Variants in SGCD observed in about 807,000 individuals in gnomAD.
SGCD encodes delta-sarcoglycan.
SGCD carries 18 observed loss-of-function variants against 36.6 expected under a neutral mutation model. The observed-to-expected ratio is 0.49, with a 90% confidence interval of 0.34 to 0.73. SGCD has a LOEUF of 0.73. SGCD is among the 30% of genes least tolerant of loss of function. The probability of loss-of-function intolerance (pLI) is 0.01; values close to 1 mark genes in which losing one functional copy is unlikely to be tolerated. For missense variants in SGCD, 387 were observed against 346.7 expected, an observed-to-expected ratio of 1.12 and a Z score of -0.92; for synonymous variants, 133 against 130.6, an observed-to-expected ratio of 1.02 and a Z score of -0.12.
chr5:156,088,918 G>A (rs981724950), intron 1 of SGCD, among the ~76,000 whole-genome samples: 1 of 152,062 alleles, frequency 6.6e-6, no homozygotes, highest in Non-Finnish European at 1.5e-5. Context: ...TTTCGTTCTG[G>A]ACAGGTTGAC....
At chr5:156,091,112 A>G (rs1761231762) in intron 1 of SGCD, among the ~76,000 whole-genome samples, 1 of 152,252 alleles carries the variant, frequency 6.6e-6, no homozygotes, top group Admixed American at 6.5e-5. Context: ...GATGGGATTA[A>G]GAGATTAAAG....
At chr5:155,875,281 G>GAT (rs1263674386) in intron 1 of SGCD, among the ~76,000 whole-genome samples, 3 of 152,036 alleles carry the variant, frequency 2.0e-5, no homozygotes, top group Non-Finnish European at 2.9e-5. Context: ...AGGTCTGATG[G>GAT]ATATGTTCAT....
intron 1 of SGCD, among the ~76,000 whole-genome samples, chr5:156,033,084 A>G (rs1041004434): frequency 1.3e-5 from 2 of 151,058 alleles, no homozygotes; most frequent in African/African-American, 2.5e-5. Context: ...CTCAAAAATA[A>G]TAAAATTAAA....
chr5:156,511,550 C>G (rs1313315167), intron 4 of SGCD, among the ~76,000 whole-genome samples: 1 of 152,182 alleles, frequency 6.6e-6, no homozygotes, highest in African/African-American at 2.4e-5. Flanking sequence ...CTGTAAAATG[C>G]ATTATTAGGT....
chr5:156,125,081 T>C (rs10476293), intron 3 of SGCD, among the ~76,000 whole-genome samples: 5,311 of 152,256 alleles, frequency 0.035, 304 homozygotes, highest in African/African-American at 0.12. Flanking sequence ...GATGATTTTA[T>C]AGCTTACAAC....
intron 3 of SGCD, among the ~76,000 whole-genome samples, chr5:156,313,367 C>T (rs1051676326): frequency 5.9e-5 from 9 of 151,886 alleles, no homozygotes; most frequent in South Asian, 4.2e-4. Flanking sequence ...TTTTCTATTT[C>T]TTTATTTTTT....
intron 1 of SGCD, among the ~76,000 whole-genome samples, chr5:156,005,146 A>T (rs540308766): frequency 6.6e-6 from 1 of 152,136 alleles, no homozygotes; most frequent in African/African-American, 2.4e-5. Flanking sequence ...TAGGAAATTA[A>T]CTCTAGAGTT....
At chr5:156,686,219 AATTT>A (rs1423532774) in intron 7 of SGCD, among the ~76,000 whole-genome samples, 1 of 152,138 alleles carries the variant, frequency 6.6e-6, no homozygotes, top group African/African-American at 2.4e-5. Context: ...GGGGTTATAG[AATTT>A]ATTAATCCAA....
intron 1 of SGCD, among the ~76,000 whole-genome samples, chr5:156,087,836 CA>C (rs1280119448): frequency 6.6e-6 from 1 of 152,050 alleles, no homozygotes; most frequent in African/African-American, 2.4e-5. Flanking sequence ...GTGATTGTAC[CA>C]GCGAAAAATG....
intron 1 of SGCD, among the ~76,000 whole-genome samples, chr5:155,910,262 A>T (rs1756603268): frequency 6.6e-6 from 1 of 152,100 alleles, no homozygotes; most frequent in African/African-American, 2.4e-5. Flanking sequence ...GTCTTTTAAA[A>T]AATTTTTCCT....
chr5:155,834,881 G>A, the SGCD span, among the ~76,000 whole-genome samples: 4 of 151,042 alleles, frequency 2.6e-5, no homozygotes, highest in African/African-American at 9.7e-5. Flanking sequence ...TGTTGCCCAG[G>A]CTGCAGTGCA....
intron 1 of SGCD, among the ~76,000 whole-genome samples, chr5:155,934,377 C>CT (rs911146253): frequency 4.6e-5 from 7 of 152,150 alleles, no homozygotes; most frequent in African/African-American, 1.7e-4. Context: ...TTTTAACGAT[C>CT]TTTTTTTGCG....
the SGCD span, among the ~76,000 whole-genome samples, chr5:155,748,348 A>G: frequency 0.012 from 1,811 of 152,116 alleles, 20 homozygotes; most frequent in Non-Finnish European, 0.02. Flanking sequence ...AAATATTTAT[A>G]TAGATAATTT....
intron 6 of SGCD, among the ~76,000 whole-genome samples, chr5:156,636,781 T>G (rs1762839783): frequency 6.6e-6 from 1 of 152,162 alleles, no homozygotes. Context: ...AAAAAGTGAT[T>G]TTTAAATTTT....
chr5:155,809,459 CT>C, the SGCD span, among the ~76,000 whole-genome samples: 13 of 152,270 alleles, frequency 8.5e-5, no homozygotes, highest in East Asian at 2.5e-3. Context: ...ATGTCGCCAG[CT>C]TTTTTAAACC....
the SGCD span, among the ~76,000 whole-genome samples, chr5:155,764,108 A>G: frequency 8.5e-5 from 13 of 152,330 alleles, no homozygotes; most frequent in Admixed American, 2.6e-4. Flanking sequence ...TAATCTCTAT[A>G]AGATTGGCCA....
chr5:156,603,996 G>C lies in SGCD; in HGVS notation c.502+8945G>C, dbSNP rs146809892. 2.0e-4 allele frequency among the ~76,000 whole-genome samples: 30 copies of C among 152,044 alleles called. No homozygotes were observed. The East Asian group carries it at 5.6e-3, about 28-fold the overall frequency. ...TTTCCATTGTTGAAAGTGAGGTGCTGAAGTCTTCTACTATTACTGTTTTGG... is the reference window on the plus strand; with the variant it reads ...TTTCCATTGTTGAAAGTGAGGTGCTCAAGTCTTCTACTATTACTGTTTTGG... On this transcript the variant is annotated intron_variant, in intron 6 of 8. Coordinates refer to ENST00000337851, the MANE Select transcript of SGCD (RefSeq NM_000337.6).
At chr5:156,593,456 A>C (rs1760804287) in intron 5 of SGCD, among the ~76,000 whole-genome samples, 1 of 152,150 alleles carries the variant, frequency 6.6e-6, no homozygotes, top group South Asian at 2.1e-4. Context: ...CATTGTCCAG[A>C]CCACAAAAAA....
At chr5:156,639,539 C>A (rs567160271) in intron 6 of SGCD, among the ~76,000 whole-genome samples, 1 of 152,314 alleles carries the variant, frequency 6.6e-6, no homozygotes, top group Admixed American at 6.5e-5. Flanking sequence ...ACCCAATATC[C>A]AATACCCAGC....
Sources: gnomAD v4.1 joint callset for allele counts (sites outside exome capture counted in the v4.1 genomes callset) on GRCh38, gnomAD v4.1.1 for gene constraint, MANE v1.5 for transcripts, NCBI Gene and HGNC (gene_info 2026-07-23, HGNC 2026-07-21) for gene names.